The following EYA2 variants were observed in gnomAD, a reference collection of about 807,000 sequenced individuals.
EYA2 encodes protein phosphatase EYA2.
Under a neutral mutation model 69.2 loss-of-function variants are expected in EYA2, and 31 were observed. That is an observed-to-expected ratio of 0.45 (90% CI 0.34 to 0.60). EYA2 has a LOEUF of 0.60. Among genes scored for constraint, EYA2 ranks in the 20% least tolerant of loss-of-function variants. EYA2 has a pLI of 0.02. For synonymous variants in EYA2, 257 were observed against 279.4 expected (o/e 0.92, Z 0.80); for missense variants, 622 against 701.2 (o/e 0.89, Z 1.28).
intron 1 of EYA2, among the ~76,000 whole-genome samples, chr20:46,957,657 T>C (rs1979219623): frequency 6.6e-6 from 1 of 151,740 alleles, no homozygotes; most frequent in African/African-American, 2.4e-5. Context: ...AAATCAAGGT[T>C]TGCTGGTGGA....
At chr20:47,186,018 A>G (rs1451842138) in intron 15 of EYA2, among the ~76,000 whole-genome samples, 1 of 151,880 alleles carries the variant, frequency 6.6e-6, no homozygotes, top group Admixed American at 6.6e-5. Context: ...ACGTTCCCCC[A>G]CATCTTTGCC....
chr20:46,961,952 A>G (rs1302231373), intron 1 of EYA2, among the ~76,000 whole-genome samples: 6 of 152,248 alleles, frequency 3.9e-5, no homozygotes, highest in South Asian at 4.1e-4. Context: ...GATCTATACC[A>G]TAATAGGATG....
At chr20:47,106,945 T>C (rs4810613) in intron 9 of EYA2, among the ~76,000 whole-genome samples, 151,892 of 152,248 alleles carry the variant, frequency 1, 75,769 homozygotes, top group Non-Finnish European at 1. Flanking sequence ...GGGAGCGAAC[T>C]GGAGTAGAAG....
chr20:47,013,195 C>G (rs1467606639), intron 4 of EYA2, among the ~76,000 whole-genome samples: 1 of 152,200 alleles, frequency 6.6e-6, no homozygotes, highest in Admixed American at 6.5e-5. Flanking sequence ...CCAGCCCCGC[C>G]CTCCTGGAGC....
chr20:47,019,435 A>G (rs1008109119), intron 5 of EYA2, among the ~76,000 whole-genome samples: 1 of 151,840 alleles, frequency 6.6e-6, no homozygotes, highest in African/African-American at 2.4e-5. Flanking sequence ...ACACAAACAC[A>G]CAGAACGCTC....
chr20:47,009,508 C>T (rs1208990826), intron 4 of EYA2, among the ~76,000 whole-genome samples: 6 of 152,144 alleles, frequency 3.9e-5, no homozygotes, highest in African/African-American at 1.2e-4. Flanking sequence ...TACTATGACA[C>T]CTATGAACTG....
chr20:46,949,724 GA>G (rs777680554), intron 1 of EYA2, among the ~76,000 whole-genome samples: 1 of 152,190 alleles, frequency 6.6e-6, no homozygotes, highest in African/African-American at 2.4e-5. Context: ...TTAAAAGCTT[GA>G]TACTTTTATG....
intron 15 of EYA2, among the ~76,000 whole-genome samples, chr20:47,186,570 G>A (rs575377078): frequency 1.3e-5 from 2 of 151,790 alleles, no homozygotes; most frequent in African/African-American, 4.8e-5. Context: ...TGTTGGCCAG[G>A]CTGGTCTCAA....
At chr20:46,931,358 C>A (rs1985659033) in intron 1 of EYA2, among the ~76,000 whole-genome samples, 1 of 152,096 alleles carries the variant, frequency 6.6e-6, no homozygotes, top group African/African-American at 2.4e-5. Context: ...GCTGGTGTTT[C>A]ATTATGTTTT....
chr20:47,011,787 C>G (rs559705809), intron 4 of EYA2, among the ~76,000 whole-genome samples: 1 of 152,140 alleles, frequency 6.6e-6, no homozygotes, highest in Non-Finnish European at 1.5e-5. Flanking sequence ...ACTTTGCTAC[C>G]TCCTTCCCTG....
chr20:47,000,391 C>A (rs1299960388), intron 2 of EYA2, among the ~76,000 whole-genome samples: 1 of 152,192 alleles, frequency 6.6e-6, no homozygotes, highest in Non-Finnish European at 1.5e-5. Context: ...TGCAAGTGCA[C>A]GTTGGTCTCC....
chr20:46,940,276 T>G (rs1986098734), intron 1 of EYA2, among the ~76,000 whole-genome samples: 1 of 152,192 alleles, frequency 6.6e-6, no homozygotes, highest in Non-Finnish European at 1.5e-5. Flanking sequence ...CTGTAAGTGC[T>G]TTTCACACAT....
At chr20:47,003,303 G>A (rs544225347) in intron 3 of EYA2, among the ~76,000 whole-genome samples, 1 of 152,342 alleles carries the variant, frequency 6.6e-6, no homozygotes, top group African/African-American at 2.4e-5. Flanking sequence ...CACAGTTGTG[G>A]TGGAGTTTAA....
intron 1 of EYA2, among the ~76,000 whole-genome samples, chr20:46,943,900 CTTT>C (rs1323545118): frequency 1.3e-5 from 2 of 152,210 alleles, no homozygotes; most frequent in Admixed American, 1.3e-4. Context: ...CCTGCGCTCT[CTTT>C]TTCTTTTATA....
intron 8 of EYA2, among the ~76,000 whole-genome samples, chr20:47,091,823 CA>C (rs2032096412): frequency 6.6e-6 from 1 of 152,086 alleles, no homozygotes; most frequent in African/African-American, 2.4e-5. Flanking sequence ...GCCGTAAAAC[CA>C]AGTTTAGAAA....
chr20:46,931,018 G>A (rs533239373), intron 1 of EYA2, among the ~76,000 whole-genome samples: 107 of 152,286 alleles, frequency 7.0e-4, no homozygotes, highest in African/African-American at 2.5e-3. Flanking sequence ...AACCGAAAAC[G>A]TCTCCACACA....
rs118133470 is a variant in EYA2, at chr20:47,051,696, T to C, written c.416-20489T>C. ...TATGACCATGGGACACATTATTTTATATATTTATGCACCCTCAGCCCCTCC... is the reference window on the plus strand; with the variant it reads ...TATGACCATGGGACACATTATTTTACATATTTATGCACCCTCAGCCCCTCC... On this transcript the variant is annotated intron_variant, in intron 5 of 15. Coordinates refer to ENST00000327619, the MANE Select transcript of EYA2 (RefSeq NM_005244.5). 5.8e-3 allele frequency among the ~76,000 whole-genome samples: 876 copies of C among 152,264 alleles called. 12 individuals carry two copies. The highest frequency in any genetic ancestry group is 0.041 in the East Asian group (214 of 5,174).
At chr20:46,928,358 C>G (rs1293385760) in intron 1 of EYA2, among the ~76,000 whole-genome samples, 2 of 152,194 alleles carry the variant, frequency 1.3e-5, no homozygotes, top group African/African-American at 4.8e-5. Flanking sequence ...ACCTTATTTT[C>G]CTCATACATA....
intron 9 of EYA2, among the ~76,000 whole-genome samples, chr20:47,111,876 C>A (rs2032754612): frequency 6.6e-6 from 1 of 152,186 alleles, no homozygotes; most frequent in Non-Finnish European, 1.5e-5. Context: ...CCAATAAAAA[C>A]CATTCACTTT....
Sources: allele counts gnomAD v4.1 joint callset (sites outside exome capture counted in the v4.1 genomes callset), GRCh38; gene constraint gnomAD v4.1.1; transcripts MANE v1.5; gene names NCBI Gene and HGNC (gene_info 2026-07-23, HGNC 2026-07-21).